TTLL11: variants seen among roughly 807,000 people sequenced by gnomAD.
TTLL11 encodes tubulin polyglutamylase TTLL11.
In TTLL11, 42 loss-of-function variants were observed where a neutral mutation model predicts 51.7. The observed-to-expected ratio is 0.81, with a 90% CI of 0.64 to 1.05. TTLL11 has a LOEUF of 1.05. TTLL11 is among the 50% of genes least tolerant of loss of function. The pLI, the probability that TTLL11 is intolerant of heterozygous loss-of-function variation, is 0.00. For synonymous variants in TTLL11, 381 were observed against 383.5 expected (o/e 0.99, Z 0.08); for missense variants, 799 against 940.4 (o/e 0.85, Z 1.97).
At chr9:121,861,240 C>A (rs1358837785) in intron 7 of TTLL11, among the ~76,000 whole-genome samples, 1 of 152,052 alleles carries the variant, frequency 6.6e-6, no homozygotes, top group Non-Finnish European at 1.5e-5. Context: ...AGGTACCCAG[C>A]TAATTTTTAT....
intron 8 of TTLL11, among the ~76,000 whole-genome samples, chr9:121,841,638 G>A (rs1309538380): frequency 6.6e-6 from 1 of 152,102 alleles, no homozygotes; most frequent in Non-Finnish European, 1.5e-5. Flanking sequence ...TGAGTCACGT[G>A]GCAGCTGCAT....
intron 8 of TTLL11, among the ~76,000 whole-genome samples, chr9:121,824,183 T>A (rs914661417): frequency 1.3e-5 from 2 of 152,132 alleles, no homozygotes; most frequent in Non-Finnish European, 1.5e-5. Flanking sequence ...TCTTACAGAT[T>A]AAGAAACTGA....
rs1226362307 is a variant in TTLL11 at position 121,821,061 on chromosome 9, T to C, written c.*1526A>G. ...GAACAGAGCAGCCCCTGCTCTGAAA[T>C]CGCTTGCCAACAATTGGAGACATCT... On this transcript the variant is annotated 3_prime_UTR_variant, in exon 9 of 9. Coordinates refer to ENST00000321582, the MANE Select transcript of TTLL11 (RefSeq NM_001139442.2). The surrounding 1 kb of genome is among the most constrained non-coding windows in gnomAD (Gnocchi z 5.0). Among the ~76,000 whole-genome samples the C allele has an allele frequency of 6.6e-6, 1 of 151,968 alleles. No individual in the cohort carries two copies. Among genetic ancestry groups the C allele is most frequent in the Non-Finnish European group, 1.5e-5 (1 of 67,990 alleles).
chr9:122,031,351 C>T (rs1400345332), intron 3 of TTLL11, among the ~76,000 whole-genome samples: 1 of 152,176 alleles, frequency 6.6e-6, no homozygotes, highest in African/African-American at 2.4e-5. Flanking sequence ...ACATCTCAGG[C>T]CACAGGAAGC....
At chr9:122,003,162 G>C (rs1390171079) in intron 3 of TTLL11, among the ~76,000 whole-genome samples, 1 of 152,028 alleles carries the variant, frequency 6.6e-6, no homozygotes, top group Non-Finnish European at 1.5e-5. Flanking sequence ...GAAATAGCAA[G>C]GTATGTGTTA....
intron 6 of TTLL11, among the ~76,000 whole-genome samples, chr9:121,919,929 C>T (rs1342455591): frequency 6.6e-6 from 1 of 150,760 alleles, no homozygotes; most frequent in East Asian, 1.9e-4. Context: ...ATAGCTAACA[C>T]TTTAATACTG....
chr9:121,999,119 G>C lies in TTLL11; in HGVS notation c.694-9349C>G, dbSNP rs191537373. The stretch of plus-strand genomic sequence containing the variant: ...CTATCACTGGAAGAGCCTTAATGGA[G>C]GCGGACTCAGTAAATGCTTATGGGA... On this transcript the variant is annotated intron_variant, in intron 3 of 8. Transcript: ENST00000321582. 3.6e-3 allele frequency among the ~76,000 whole-genome samples: 553 copies of C among 152,288 alleles called. 13 individuals carry two copies. Among genetic ancestry groups the C allele is most frequent in the Admixed American group, 0.033 (497 of 15,286 alleles).
chr9:121,888,136 T>G (rs181907451), intron 6 of TTLL11, among the ~76,000 whole-genome samples: 1 of 152,256 alleles, frequency 6.6e-6, no homozygotes, highest in African/African-American at 2.4e-5. Context: ...CAGGATGCCA[T>G]AGGGTTAAGC....
intron 1 of TTLL11, among the ~76,000 whole-genome samples, chr9:122,091,068 G>A (rs566110939): frequency 1.1e-3 from 166 of 152,290 alleles, no homozygotes; most frequent in Non-Finnish European, 1.5e-3. Context: ...CCTCCAAAGT[G>A]GACATTTACG....
At chr9:121,855,910 G>C (rs1283045404) in intron 8 of TTLL11, among the ~76,000 whole-genome samples, 1 of 152,136 alleles carries the variant, frequency 6.6e-6, no homozygotes, top group African/African-American at 2.4e-5. Context: ...AACCCTCACA[G>C]CAACCTTCCT....
chr9:121,876,607 T>C (rs1838574978), intron 6 of TTLL11, among the ~76,000 whole-genome samples: 1 of 151,464 alleles, frequency 6.6e-6, no homozygotes, highest in South Asian at 2.1e-4. Context: ...TGAGAGAATG[T>C]GGTAGATTTT....
intron 6 of TTLL11, among the ~76,000 whole-genome samples, chr9:121,903,507 T>G (rs1839837254): frequency 2.0e-5 from 3 of 152,228 alleles, no homozygotes; most frequent in African/African-American, 7.2e-5. Context: ...TGAGATGCTG[T>G]GTGACTTGGG....
chr9:122,018,578 A>G (rs12338274), intron 3 of TTLL11, among the ~76,000 whole-genome samples: 6,655 of 152,322 alleles, frequency 0.044, 175 homozygotes, highest in African/African-American at 0.074. Flanking sequence ...GGCTAGGATC[A>G]CTTTCATATT....
At chr9:122,017,683 G>C (rs1304379250) in intron 3 of TTLL11, among the ~76,000 whole-genome samples, 1 of 152,048 alleles carries the variant, frequency 6.6e-6, no homozygotes, top group Admixed American at 6.6e-5. Flanking sequence ...GGCTGGTCTC[G>C]AACTCCTGAC....
intron 3 of TTLL11, among the ~76,000 whole-genome samples, chr9:122,001,020 G>T (rs1487686174): frequency 3.3e-5 from 5 of 152,112 alleles, no homozygotes; most frequent in Admixed American, 3.3e-4. Flanking sequence ...ACTGATATTG[G>T]TTTTTTTCTT....
chr9:121,997,933 G>A (rs72765960), intron 3 of TTLL11, among the ~76,000 whole-genome samples: 5,970 of 152,136 alleles, frequency 0.039, 120 homozygotes, highest in African/African-American at 0.06. Flanking sequence ...TCAGAGTCCA[G>A]CCCACAGCCT....
intron 6 of TTLL11, among the ~76,000 whole-genome samples, chr9:121,877,993 G>C (rs1838632619): frequency 6.6e-6 from 1 of 152,172 alleles, no homozygotes; most frequent in South Asian, 2.1e-4. Flanking sequence ...ATTACAAATG[G>C]TCCCATTTCA....
intron 3 of TTLL11, among the ~76,000 whole-genome samples, chr9:122,006,768 TGAGGCCAG>T (rs762289045): frequency 7.2e-5 from 11 of 152,134 alleles, no homozygotes; most frequent in Non-Finnish European, 1.2e-4. Context: ...GAAGATTACT[TGAGGCCAG>T]GAGGTTCAAG....
intron 3 of TTLL11, among the ~76,000 whole-genome samples, chr9:122,029,153 T>C (rs1253566075): frequency 6.6e-6 from 1 of 152,230 alleles, no homozygotes; most frequent in African/African-American, 2.4e-5. Context: ...AAAAGTGCAG[T>C]ATAATACAAT....
Sources: allele counts gnomAD v4.1 joint callset (sites outside exome capture counted in the v4.1 genomes callset), GRCh38; gene constraint gnomAD v4.1.1; non-coding constraint Gnocchi (gnomAD v3.1); transcripts MANE v1.5; gene names NCBI Gene and HGNC (gene_info 2026-07-23, HGNC 2026-07-21).